The following TRAPPC13 variants were observed in gnomAD, a reference collection of about 807,000 sequenced individuals.
The protein encoded by TRAPPC13 is trafficking protein particle complex subunit 13.
A neutral mutation model predicts 54.0 loss-of-function variants in TRAPPC13; 39 were observed. The ratio of observed to expected loss-of-function variants is 0.72; its 90% confidence interval spans 0.56 to 0.94. TRAPPC13 has a LOEUF of 0.94. Among genes scored for constraint, TRAPPC13 ranks in the 40% least tolerant of loss-of-function variants. The pLI, the probability that TRAPPC13 is intolerant of heterozygous loss-of-function variation, is 0.00. For missense variants in TRAPPC13, 386 were observed against 488.1 expected (o/e 0.79, Z 1.97); for synonymous variants, 148 against 167.7 (o/e 0.88, Z 0.91).
intron 11 of TRAPPC13, chr5:65,662,832 T>A (rs892713161): frequency 1.3e-5 from 2 of 152,152 alleles, no homozygotes; most frequent in African/African-American, 4.8e-5. Context: ...ATAGGAAATA[T>A]TTATCCTTCA....
intron 11 of TRAPPC13, chr5:65,662,793 C>T (rs1004500092): frequency 4.6e-5 from 7 of 151,974 alleles, no homozygotes; most frequent in African/African-American, 1.5e-4. Flanking sequence ...CCTTTTAATT[C>T]CATATTTATT....
At chr5:65,651,646 T>TGGG (rs531254946) in intron 6 of TRAPPC13, among the ~76,000 whole-genome samples, 24,643 of 141,518 alleles carry the variant, frequency 0.17, 2,684 homozygotes, top group South Asian at 0.26. Context: ...CACATTTATG[T>TGGG]GGGGGGGGTG....
intron 1 of TRAPPC13, chr5:65,630,377 G>T (rs970020453): frequency 6.9e-7 from 1 of 1,447,340 alleles, no homozygotes; most frequent in East Asian, 2.5e-5. Flanking sequence ...TATTCTGAAT[G>T]AAATGAATAT....
chr5:65,626,004 A>G (rs1755208722), intron 1 of TRAPPC13: 1 of 152,222 alleles, frequency 6.6e-6, no homozygotes. Flanking sequence ...TCAGTCTCAT[A>G]TAATGATGCC....
chr5:65,658,580 GTT>G, intron 9 of TRAPPC13, 79 bp downstream of exon 9: 1 of 1,224,454 alleles, frequency 8.2e-7, no homozygotes, highest in Non-Finnish European at 1.1e-6. Flanking sequence ...TCTTCAGTGG[GTT>G]TTTTTTTAAT....
chr5:65,664,766 A>G lies in TRAPPC13; in HGVS notation c.*155A>G, dbSNP rs1397563808. The G allele has an allele frequency of 4.8e-6, 3 of 619,986 alleles. No individual in the cohort carries two copies. Among genetic ancestry groups the G allele is most frequent in the Non-Finnish European group, 8.5e-6 (3 of 353,942 alleles). 38.4% of individuals were successfully genotyped at this position (619,986 alleles called of 1,614,324 possible). On this transcript the variant is annotated 3_prime_UTR_variant, in exon 13 of 13. Transcript: ENST00000399438. The stretch of plus-strand genomic sequence containing the variant: ...AATATTAAATATTTGTTTTGAAGAG[A>G]TCTGATTTTATCTTGTAATTTATAT...
At position 65,664,222 on chromosome 5, in the gene TRAPPC13, T is replaced by C. The variant is rs1756948695; in HGVS notation, c.999-15T>C. ...TGAACAAGATTTATTCCTATTATTC[T>C]GATTCCTCCAGCAGTGAAAGGACTA... On this transcript the variant is annotated splice_polypyrimidine_tract_variant and intron_variant, in intron 11 of 12. Transcript: ENST00000399438. The C allele has an allele frequency of 1.2e-6, 2 of 1,610,988 alleles. No homozygotes were observed. Among genetic ancestry groups the C allele is most frequent in the Non-Finnish European group, 1.7e-6 (2 of 1,178,506 alleles).
In TRAPPC13 at chr5:65,651,338, G is replaced by A. The variant is rs548694985; in HGVS notation, c.501+456G>A. ...CAAGGCTTCAGTGAGCTGTGATCAC[G>A]CCACTGCACTCCAGCTTGGTCAACA... On this transcript the variant is annotated intron_variant, in intron 6 of 12. Coordinates refer to ENST00000399438, the MANE Select transcript of TRAPPC13 (RefSeq NM_024941.4). 1.4e-4 allele frequency among the ~76,000 whole-genome samples: 22 copies of A among 152,256 alleles called. No homozygotes were observed. The South Asian group carries it at 3.9e-3, about 27-fold the overall frequency.
chr5:65,658,585 T>C (rs1158180616), intron 9 of TRAPPC13, 84 bp downstream of exon 9: 2 of 1,212,358 alleles, frequency 1.6e-6, no homozygotes, highest in Non-Finnish European at 2.2e-6. Context: ...AGTGGGTTTT[T>C]TTTTAATAGA....
intron 1 of TRAPPC13, chr5:65,629,900 T>TCA (rs1453696135): frequency 2.6e-6 from 4 of 1,535,956 alleles, no homozygotes; most frequent in Non-Finnish European, 3.5e-6. Flanking sequence ...TTTAACCTGG[T>TCA]CACACACACT....
intron 6 of TRAPPC13, among the ~76,000 whole-genome samples, chr5:65,651,392 T>TA (rs2150683667): frequency 6.6e-6 from 1 of 152,194 alleles, no homozygotes; most frequent in South Asian, 2.1e-4. Context: ...GAAAAGTAAA[T>TA]AACTTGTTTT....
At chr5:65,662,211 A>G in intron 11 of TRAPPC13, 61 bp downstream of exon 11, 1 of 1,233,256 alleles carries the variant, frequency 8.1e-7, no homozygotes. Context: ...AGATAATTTT[A>G]AAATCTTTTT....
In TRAPPC13 at chr5:65,633,434, C is replaced by G. The variant is rs183371262; in HGVS notation, c.47-1867C>G. Reference sequence around the variant, plus strand: ...TAGCTGGGACTACAGGCGCCCGCCACCATGCTAGGCTAATTTTTTTTATTT... The same window carrying G: ...TAGCTGGGACTACAGGCGCCCGCCAGCATGCTAGGCTAATTTTTTTTATTT... On this transcript the variant is annotated intron_variant, in intron 1 of 12. Coordinates refer to ENST00000399438, the MANE Select transcript of TRAPPC13 (RefSeq NM_024941.4). Among the ~76,000 whole-genome samples, 627 of 152,196 alleles carry G rather than the reference C, an allele frequency of 4.1e-3. 6 individuals are homozygous for G. Among genetic ancestry groups the G allele is most frequent in the Non-Finnish European group, 5.5e-3 (377 of 68,016 alleles).
In TRAPPC13 at chr5:65,631,894, G is replaced by A. The variant is rs1253051121; in HGVS notation, c.47-3407G>A. Reference sequence around the variant, plus strand: ...AGCAAATATGTTAGCTACATGTTTGGGTGAACTCCAGGACACTAAGAAAAA... The same window carrying A: ...AGCAAATATGTTAGCTACATGTTTGAGTGAACTCCAGGACACTAAGAAAAA... On this transcript the variant is annotated intron_variant, in intron 1 of 12. Coordinates refer to ENST00000399438, the MANE Select transcript of TRAPPC13 (RefSeq NM_024941.4). Among the ~76,000 whole-genome samples, 3 of 145,976 alleles carry A rather than the reference G, an allele frequency of 2.1e-5. 1 individual carries two copies. The East Asian group carries it at 5.9e-4, about 29-fold the overall frequency.
intron 4 of TRAPPC13, among the ~76,000 whole-genome samples, chr5:65,641,760 G>A (rs1271978673): frequency 6.6e-6 from 1 of 150,906 alleles, no homozygotes; most frequent in Non-Finnish European, 1.5e-5. Context: ...ACAGAGAACT[G>A]TGGATCATTT....
chr5:65,626,275 G>A (rs1268098419), intron 1 of TRAPPC13: 1 of 152,192 alleles, frequency 6.6e-6, no homozygotes, highest in Non-Finnish European at 1.5e-5. Context: ...TAGTGATTGA[G>A]GCAGTGTTTC....
At position 65,635,960 on chromosome 5, in the gene TRAPPC13, G is replaced by C. The variant is rs750870890; in HGVS notation, c.132G>C (p.Gln44His). 8.2e-6 allele frequency: 13 copies of C among 1,594,470 alleles called. No homozygotes were observed. Among genetic ancestry groups the C allele is most frequent in the African/African-American group, 1.3e-5 (1 of 74,674 alleles). ...EKDLPGDLFN[Q>H]LMRDDPSTVN... ...TTCATTCAGGAGATCTCTTTAACCA[G>C]CTGATGAGAGATGATCCTTCAACCG... Residue 44 changes from glutamine to histidine, a missense_variant, in exon 3 of 13, where the codon CAG (glutamine) becomes CAC (histidine). By Grantham distance (24) the Gln-to-His change is conservative. Transcript: ENST00000399438.
At chr5:65,644,975 T>A (rs1756127180) in intron 4 of TRAPPC13, among the ~76,000 whole-genome samples, 1 of 151,738 alleles carries the variant, frequency 6.6e-6, no homozygotes, top group Admixed American at 6.6e-5. Context: ...GGCGGGCAGA[T>A]CACCTGAGGC....
rs529146103 is a variant in TRAPPC13 at position 65,630,020 on chromosome 5, G to A, written c.46+4914G>A. ...TCCCAGCAATAATTGTACTAAAAAC[G>A]TTTCTCCTTTGTCTAAAAAATTGCA... On this transcript the variant is annotated intron_variant, in intron 1 of 12. Transcript: ENST00000399438. 1.2e-4 allele frequency: 178 copies of A among 1,535,868 alleles called. No homozygotes were observed. The African/African-American group carries it at 2.0e-3, about 17-fold the overall frequency.
Sources: allele counts gnomAD v4.1 joint callset (sites outside exome capture counted in the v4.1 genomes callset), GRCh38; gene constraint gnomAD v4.1.1; transcripts MANE v1.5; gene names NCBI Gene and HGNC (gene_info 2026-07-23, HGNC 2026-07-21).